SP100: variants seen among roughly 807,000 people sequenced by gnomAD.
SP100 encodes SP100 nuclear body protein, also known as nuclear autoantigen Sp-100.
A neutral mutation model predicts 130.0 loss-of-function variants in SP100; 84 were observed. The observed-to-expected ratio is 0.65, with a 90% confidence interval of 0.54 to 0.77. The LOEUF (loss-of-function observed/expected upper bound fraction) is 0.77, where lower values mean the gene tolerates loss of function less well. SP100 is among the 30% of genes least tolerant of loss of function. The pLI, the probability that SP100 is intolerant of heterozygous loss-of-function variation, is 0.00. For missense variants in SP100, 978 were observed against 1,052.2 expected (o/e 0.93, Z 0.97); for synonymous variants, 331 against 351.7 (o/e 0.94, Z 0.66).
At chr2:230,465,087 T>A (rs908570216) in intron 11 of SP100, among the ~76,000 whole-genome samples, 4 of 152,116 alleles carry the variant, frequency 2.6e-5, no homozygotes, top group African/African-American at 9.7e-5. Context: ...AATACAAAAA[T>A]TAGCCAGGCA....
chr2:230,510,990 G>A (rs1458418777), intron 23 of SP100, 135 bp from the exon 24 acceptor site: 4 of 708,242 alleles, frequency 5.6e-6, no homozygotes, highest in African/African-American at 5.4e-5. Flanking sequence ...TAGATGTACA[G>A]GTCCATAAAA....
At chr2:230,492,971 C>T (rs1486766644) in intron 17 of SP100, among the ~76,000 whole-genome samples, 28 of 152,204 alleles carry the variant, frequency 1.8e-4, no homozygotes, top group Admixed American at 1.2e-3. Context: ...TTGCCTACAC[C>T]GCCCATTCAA....
intron 2 of SP100, among the ~76,000 whole-genome samples, chr2:230,430,663 C>T (rs894137398): frequency 3.3e-5 from 5 of 152,236 alleles, no homozygotes; most frequent in Middle Eastern, 3.2e-3. Context: ...GGTAGGACCA[C>T]AGGCTACGTT....
At chr2:230,541,215 G>A in intron 26 of SP100, 86 bp from the exon 27 acceptor site, 2 of 1,330,678 alleles carry the variant, frequency 1.5e-6, no homozygotes, top group Non-Finnish European at 2.1e-6. Flanking sequence ...CCACAGGTTT[G>A]GGAGTCGTGT....
chr2:230,540,666 C>G (rs1264786247), intron 25 of SP100, among the ~76,000 whole-genome samples: 1 of 152,166 alleles, frequency 6.6e-6, no homozygotes, highest in Non-Finnish European at 1.5e-5. Context: ...CTTCAGCCAA[C>G]AGATGATCAC....
intron 2 of SP100, among the ~76,000 whole-genome samples, chr2:230,436,899 C>CACACACGCATATATGTGTAT (rs1252730666): frequency 0.015 from 1,932 of 130,592 alleles, 65 homozygotes; most frequent in African/African-American, 0.048. Context: ...TATGTGTATA[C>CACACACGCATATATGTGTAT]ACACACGCAT....
In SP100 at chr2:230,450,062, T is replaced by C. The variant is rs2063898602; in HGVS notation, c.737-110T>C. ...ACGCAGCAATATATGCAGACAGGGG[T>C]ATAAGTAGAAACAGGAGAAGAAAGG... On this transcript the variant is annotated intron_variant, in intron 7 of 28. Coordinates refer to ENST00000340126, the MANE Select transcript of SP100 (RefSeq NM_001080391.2). 5.4e-6 allele frequency: 4 copies of C among 737,258 alleles called. No homozygotes were observed. The South Asian group carries it at 6.9e-5, about 13-fold the overall frequency. 45.7% of individuals were successfully genotyped at this position (737,258 alleles called of 1,614,324 possible). A position where few individuals can be genotyped will look rare whatever the true frequency, so the allele number is the denominator to read the frequency against.
In SP100 at chr2:230,443,949, A is replaced by G. The variant is rs139248568; in HGVS notation, c.271-229A>G. On this transcript the variant is annotated intron_variant, in intron 3 of 28. Coordinates refer to ENST00000340126, the MANE Select transcript of SP100 (RefSeq NM_001080391.2). ...ATCCTTCCAAATTTCCCCTTTTTGC[A>G]TCTAATGTAAATGAGGGTGAAGCAA... is the stretch of plus-strand genomic sequence containing the variant. 9.2e-3 allele frequency among the ~76,000 whole-genome samples: 1,402 copies of G among 152,268 alleles called. 24 individuals are homozygous for G. Among genetic ancestry groups the G allele is most frequent in the African/African-American group, 0.032 (1,343 of 41,550 alleles).
chr2:230,417,816 G>A (rs1421861609), intron 2 of SP100, 151 bp downstream of exon 2: 1 of 1,206,836 alleles, frequency 8.3e-7, no homozygotes. Flanking sequence ...TGAGGTGTTT[G>A]TCCTTTTTTT....
At chr2:230,539,709 G>A (rs748256133) in intron 25 of SP100, among the ~76,000 whole-genome samples, 2 of 150,792 alleles carry the variant, frequency 1.3e-5, no homozygotes, top group Admixed American at 6.6e-5. Flanking sequence ...GGTTTAAAGA[G>A]TACACCACCT....
chr2:230,530,543 C>A (rs1042673783), intron 24 of SP100, among the ~76,000 whole-genome samples: 3 of 152,138 alleles, frequency 2.0e-5, no homozygotes, highest in Admixed American at 6.5e-5. Flanking sequence ...GACTAAAACA[C>A]CAAAAGCAAT....
rs564032314 is a variant in SP100, at chr2:230,446,771, C to T, written c.440-48C>T. 14 of 1,190,212 alleles carry T rather than the reference C, an allele frequency of 1.2e-5. No homozygotes were observed. In the East Asian group the frequency reaches 3.1e-4, roughly 26 times the overall value. The allele number at this position is 1,190,212 out of a possible 1,614,324, so 73.7% of individuals were successfully genotyped here. A position where few individuals can be genotyped will look rare whatever the true frequency, so the allele number is the denominator to read the frequency against. The stretch of plus-strand genomic sequence containing the variant: ...AAAGCATGATTTCCAGACATTGTCC[C>T]TGGTCCCTGTAGATCTCTAATTGCT... On this transcript the variant is annotated intron_variant, in intron 4 of 28. Transcript: ENST00000340126.
chr2:230,488,500 G>T (rs186798438), intron 17 of SP100, among the ~76,000 whole-genome samples: 2 of 152,100 alleles, frequency 1.3e-5, no homozygotes, highest in African/African-American at 4.8e-5. Context: ...TGCAAGCTCC[G>T]CCTCCCAGGT....
At chr2:230,426,555 T>C (rs1575589702) in intron 2 of SP100, among the ~76,000 whole-genome samples, 1 of 152,196 alleles carries the variant, frequency 6.6e-6, no homozygotes, top group South Asian at 2.1e-4. Flanking sequence ...AGTTATGAAT[T>C]CTTCAAATTT....
At chr2:230,472,250 A>T (rs2065300079) in intron 15 of SP100, among the ~76,000 whole-genome samples, 2 of 151,984 alleles carry the variant, frequency 1.3e-5, no homozygotes, top group South Asian at 4.2e-4. Flanking sequence ...AAAACGGTGA[A>T]ACCCCATCTC....
chr2:230,454,835 TATTG>T (rs1575640086), intron 8 of SP100, among the ~76,000 whole-genome samples: 1 of 152,156 alleles, frequency 6.6e-6, no homozygotes, highest in Non-Finnish European at 1.5e-5. Context: ...GATGTGTTCT[TATTG>T]ATTTTCTCCC....
chr2:230,477,944 C>CCCTATCTAAAAAAAAAAAAA (rs2065647995), intron 17 of SP100, among the ~76,000 whole-genome samples: 1 of 134,490 alleles, frequency 7.4e-6, no homozygotes, highest in Non-Finnish European at 1.6e-5. Flanking sequence ...CAAAACAAAA[C>CCCTATCTAAAAAAAAAAAAA]AAACAAAAAA....
rs779439924 is a variant in SP100, at chr2:230,539,334, C to G, written c.2162C>G (p.Pro721Arg). The G allele has an allele frequency of 5.5e-5, 89 of 1,613,824 alleles. No individual in the cohort carries two copies. Among genetic ancestry groups the G allele is most frequent in the Non-Finnish European group, 6.8e-5 (80 of 1,179,864 alleles). ...WGRLFCCDTCPRSFHEHCHIP... is the reference protein window; with the variant it reads ...WGRLFCCDTCRRSFHEHCHIP... ...CGGCTGTTCTGCTGCGACACTTGTCCAAGATCCTTTCATGAGCACTGCCAC... is the reference window on the plus strand; with the variant it reads ...CGGCTGTTCTGCTGCGACACTTGTCGAAGATCCTTTCATGAGCACTGCCAC... The change falls in exon 25 of 29, where the codon CCA (proline) becomes CGA (arginine). Residue 721 changes from proline (P) to arginine (R), a missense_variant. Coordinates refer to ENST00000340126, the MANE Select transcript of SP100 (RefSeq NM_001080391.2).
chr2:230,500,128 C>T lies in SP100; in HGVS notation c.1720+1593C>T, dbSNP rs530637083. ...TACTCTTTTGCCAAGAATGATTAGT[C>T]CCTGCTATGAAAAAATATATATTTT... On this transcript the variant is annotated intron_variant, in intron 19 of 28. Coordinates refer to ENST00000340126, the MANE Select transcript of SP100 (RefSeq NM_001080391.2). 3.1e-3 allele frequency among the ~76,000 whole-genome samples: 477 copies of T among 151,502 alleles called. 2 individuals are homozygous for T. The highest frequency in any genetic ancestry group is 0.011 in the African/African-American group (453 of 40,898).
Sources: gnomAD v4.1 joint callset for allele counts (sites outside exome capture counted in the v4.1 genomes callset) on GRCh38, gnomAD v4.1.1 for gene constraint, MANE v1.5 for transcripts, NCBI Gene and HGNC (gene_info 2026-07-23, HGNC 2026-07-21) for gene names.